SLC22A4: variants seen among roughly 807,000 people sequenced by gnomAD.
The protein encoded by SLC22A4 is ET transporter.
In SLC22A4, 39 loss-of-function variants were observed where a neutral mutation model predicts 56.6. The ratio of observed to expected loss-of-function variants is 0.69; its 90% CI spans 0.53 to 0.90. The LOEUF (loss-of-function observed/expected upper bound fraction) is 0.90, where lower values mean the gene tolerates loss of function less well. SLC22A4 is among the 40% of genes least tolerant of loss of function. The pLI is 0.00. For missense variants in SLC22A4, 594 were observed against 696.5 expected, an observed-to-expected ratio of 0.85 and a Z score of 1.66; for synonymous variants, 241 against 281.4, an observed-to-expected ratio of 0.86 and a Z score of 1.44.
chr5:132,332,559 C>G (rs549537596), intron 6 of SLC22A4, among the ~76,000 whole-genome samples: 11 of 152,264 alleles, frequency 7.2e-5, no homozygotes, highest in African/African-American at 2.6e-4. Flanking sequence ...CTAGAATAAC[C>G]TAGATCCCCA....
At position 132,306,425 on chromosome 5, in the gene SLC22A4, ATATATATATATATATATAGTT is replaced by A. The variant is rs1372764695; in HGVS notation, c.394-5735_394-5715del. The stretch of plus-strand genomic sequence containing the variant: ...TATATATATATATATATATATATAT[ATATATATATATATATATAGTT>A]GTTGTTGTTGTTGTTGTTGAGATGG... On this transcript the variant is annotated intron_variant, in intron 1 of 9. Transcript: ENST00000200652. Among the ~76,000 whole-genome samples, 7 of 71,096 alleles carry A rather than the reference ATATATATATATATATATAGTT, an allele frequency of 9.8e-5. 1 individual carries two copies. Among genetic ancestry groups the A allele is most frequent in the African/African-American group, 4.0e-4 (6 of 15,098 alleles). 46.6% of individuals were successfully genotyped at this position (71,096 alleles called of 152,430 possible).
chr5:132,336,116 C>T (rs897929493), intron 8 of SLC22A4, 116 bp downstream of exon 8: 7 of 1,032,798 alleles, frequency 6.8e-6, no homozygotes, highest in Non-Finnish European at 1.0e-5. Flanking sequence ...AGTACAAGTT[C>T]ACCTCTCCTC....
intron 1 of SLC22A4, among the ~76,000 whole-genome samples, chr5:132,304,048 A>G (rs1402776284): frequency 2.6e-5 from 4 of 152,228 alleles, no homozygotes; most frequent in Non-Finnish European, 4.4e-5. Context: ...TTAGAGCAAC[A>G]AATGAACCCA....
intron 1 of SLC22A4, among the ~76,000 whole-genome samples, chr5:132,304,358 T>C (rs1337740348): frequency 6.6e-6 from 1 of 152,228 alleles, no homozygotes; most frequent in African/African-American, 2.4e-5. Flanking sequence ...GGCTCATGCC[T>C]GTAATCCTAG....
intron 6 of SLC22A4, chr5:132,332,092 T>C: frequency 2.2e-6 from 1 of 451,514 alleles, no homozygotes; most frequent in Non-Finnish European, 4.1e-6. Context: ...GGTGGGCAGA[T>C]CACCTGAGGT....
At chr5:132,307,842 A>ATCTT (rs1750078232) in intron 1 of SLC22A4, among the ~76,000 whole-genome samples, 1 of 152,052 alleles carries the variant, frequency 6.6e-6, no homozygotes, top group Non-Finnish European at 1.5e-5. Context: ...GGGTTCACTT[A>ATCTT]TCTTTATGGT....
intron 1 of SLC22A4, among the ~76,000 whole-genome samples, chr5:132,299,499 G>A (rs1283562033): frequency 6.6e-6 from 1 of 151,570 alleles, no homozygotes; most frequent in Non-Finnish European, 1.5e-5. Context: ...GTGCCATCTC[G>A]GCTCACTGCA....
At chr5:132,328,594 A>G (rs1402798545) in intron 5 of SLC22A4, among the ~76,000 whole-genome samples, 1 of 151,726 alleles carries the variant, frequency 6.6e-6, no homozygotes, top group Non-Finnish European at 1.5e-5. Context: ...AACAACAACA[A>G]CAACAACAAC....
chr5:132,343,207 TTCGAG>T (rs1274410127), intron 9 of SLC22A4, among the ~76,000 whole-genome samples: 30 of 152,318 alleles, frequency 2.0e-4, no homozygotes, highest in African/African-American at 7.0e-4. Context: ...AGTTTAGAGT[TTCGAG>T]TAACACTGCC....
intron 9 of SLC22A4, among the ~76,000 whole-genome samples, chr5:132,342,171 A>G (rs1380142696): frequency 6.6e-6 from 1 of 152,198 alleles, no homozygotes; most frequent in East Asian, 1.9e-4. Flanking sequence ...CACAAAGACA[A>G]AAGTCAATAA....
chr5:132,319,176 C>T (rs145841772), intron 3 of SLC22A4, among the ~76,000 whole-genome samples: 1,898 of 152,132 alleles, frequency 0.012, 30 homozygotes, highest in South Asian at 0.078. Flanking sequence ...GTGGCAAGCG[C>T]CTGTAGTCCT....
chr5:132,332,110 T>C (rs1561545920), intron 6 of SLC22A4: 1 of 411,378 alleles, frequency 2.4e-6, no homozygotes, highest in Non-Finnish European at 4.6e-6. Context: ...GGTCAGGAGT[T>C]CGAGACGAAT....
chr5:132,303,084 T>C (rs1226770782), intron 1 of SLC22A4, among the ~76,000 whole-genome samples: 2 of 152,216 alleles, frequency 1.3e-5, no homozygotes, highest in African/African-American at 4.8e-5. Context: ...GTATCTAGAA[T>C]ATAAAAATAA....
At chr5:132,328,901 G>GTGTGTGTA in intron 5 of SLC22A4, among the ~76,000 whole-genome samples, 1 of 109,182 alleles carries the variant, frequency 9.2e-6, no homozygotes, top group African/African-American at 3.8e-5. Flanking sequence ...ATGTGTGTAT[G>GTGTGTGTA]TGTATATATA....
chr5:132,334,917 C>T lies in SLC22A4; in HGVS notation c.1246C>T (p.Gln416Ter). ...GGGAGGAGGTGTGCTTCTCTTCATT[C>T]AACTGGTACCTGTGGGTAAGAAGTT... The part of the protein sequence containing the change: ...FWGGGVLLFI[Q>*]LVPVDYYFLS... Residue 416 changes from glutamine (Q) to a stop codon, truncating the protein, a stop_gained, in exon 7 of 10, where the codon CAA (glutamine) becomes TAA (stop). Coordinates refer to ENST00000200652, the MANE Select transcript of SLC22A4 (RefSeq NM_003059.3). LOFTEE classifies it high-confidence loss of function. 6.2e-7 allele frequency: 1 copy of T among 1,611,270 alleles called. No individual in the cohort carries two copies. Among genetic ancestry groups the T allele is most frequent in the African/African-American group, 1.3e-5 (1 of 74,942 alleles).
intron 8 of SLC22A4, among the ~76,000 whole-genome samples, chr5:132,337,440 A>C (rs1216216279): frequency 2.0e-5 from 3 of 150,868 alleles, no homozygotes; most frequent in African/African-American, 4.9e-5. Context: ...AAGCCCAGCT[A>C]ATTTTTTTTT....
At chr5:132,320,566 G>A (rs1750502112) in intron 3 of SLC22A4, among the ~76,000 whole-genome samples, 1 of 152,174 alleles carries the variant, frequency 6.6e-6, no homozygotes, top group African/African-American at 2.4e-5. Flanking sequence ...TCCAACATGG[G>A]ATGCAGGAGG....
At chr5:132,332,067 A>C (rs1230158904) in intron 6 of SLC22A4, 1 of 502,212 alleles carries the variant, frequency 2.0e-6, no homozygotes, top group Admixed American at 3.0e-5. Context: ...TAATTCCAGC[A>C]CTTTGGGAGG....
chr5:132,296,805 C>A (rs1749788677), intron 1 of SLC22A4, among the ~76,000 whole-genome samples: 1 of 152,222 alleles, frequency 6.6e-6, no homozygotes, highest in Non-Finnish European at 1.5e-5. Context: ...GCTGGGCTGA[C>A]CTGTCTGCTT....
Sources: allele counts gnomAD v4.1 joint callset (sites outside exome capture counted in the v4.1 genomes callset), GRCh38; gene constraint gnomAD v4.1.1; transcripts MANE v1.5; gene names NCBI Gene and HGNC (gene_info 2026-07-23, HGNC 2026-07-21).